The following STK32B variants were observed in gnomAD, a reference collection of about 807,000 sequenced individuals.
STK32B encodes the protein serine/threonine kinase 32B.
In STK32B, 43 loss-of-function variants were observed where a neutral mutation model predicts 52.6. That is an observed-to-expected ratio of 0.82 (90% confidence interval 0.64 to 1.05). STK32B has a LOEUF of 1.05. Ranked by LOEUF, STK32B falls within the 50% of genes least tolerant of loss-of-function variation. The pLI, the probability that STK32B is intolerant of heterozygous loss-of-function variation, is 0.00. For synonymous variants in STK32B, 238 were observed against 204.3 expected (o/e 1.17, Z -1.41); for missense variants, 621 against 534.6 (o/e 1.16, Z -1.59).
At chr4:5,473,305 C>A (rs1406504610) in intron 11 of STK32B, among the ~76,000 whole-genome samples, 1 of 152,164 alleles carries the variant, frequency 6.6e-6, no homozygotes, top group Non-Finnish European at 1.5e-5. Flanking sequence ...TTCAGACGTG[C>A]AGGAAGGATT....
At chr4:5,449,476 C>G (rs536940752) in intron 7 of STK32B, among the ~76,000 whole-genome samples, 2 of 152,210 alleles carry the variant, frequency 1.3e-5, no homozygotes, top group Non-Finnish European at 2.9e-5. Context: ...ACAGCTGTTT[C>G]TCCTCATGAG....
chr4:5,164,196 C>G (rs1247579568), intron 2 of STK32B, among the ~76,000 whole-genome samples: 3 of 152,206 alleles, frequency 2.0e-5, no homozygotes. Flanking sequence ...TTGAATCCAG[C>G]TGTGGGCAGG....
At chr4:5,160,760 G>C (rs2108725415) in intron 2 of STK32B, among the ~76,000 whole-genome samples, 1 of 152,346 alleles carries the variant, frequency 6.6e-6, no homozygotes, top group Non-Finnish European at 1.5e-5. Flanking sequence ...CAACTCAGTA[G>C]GGGGAGTGGA....
At chr4:5,129,439 T>C (rs1715612807) in intron 1 of STK32B, among the ~76,000 whole-genome samples, 1 of 152,222 alleles carries the variant, frequency 6.6e-6, no homozygotes, top group Non-Finnish European at 1.5e-5. Flanking sequence ...TCTTGTTCAT[T>C]GTAGGCGTCT....
Position 5,099,450 on chromosome 4 carries a change from G to GTGCA in STK32B, c.53-40455_53-40454insTGCA, listed in dbSNP as rs60872398. On this transcript the variant is annotated intron_variant, in intron 1 of 11. Transcript: ENST00000282908. ...CAGTCCTCTGTGTGTGTGTGTGTGT[G>GTGCA]CGCGCGCGCGTATGTGATGTGTTCA... Among the ~76,000 whole-genome samples the GTGCA allele has an allele frequency of 7.7e-5, 7 of 91,296 alleles. No homozygotes were observed. In the East Asian group the frequency reaches 8.9e-4, roughly 12 times the overall value. The allele number at this position is 91,296 out of a possible 152,430, so 59.9% of individuals were successfully genotyped here.
intron 1 of STK32B, among the ~76,000 whole-genome samples, chr4:5,055,183 A>G (rs536754352): frequency 3.9e-5 from 6 of 152,064 alleles, no homozygotes; most frequent in African/African-American, 1.4e-4. Context: ...TCAACTTCCC[A>G]GGCTCAAGGG....
At chr4:5,135,824 A>G (rs578061545) in intron 1 of STK32B, among the ~76,000 whole-genome samples, 73 of 152,288 alleles carry the variant, frequency 4.8e-4, no homozygotes, top group African/African-American at 1.6e-3. Flanking sequence ...CTTTCCCAAA[A>G]ATGTCTCCAT....
chr4:5,174,767 A>T (rs1383387431), intron 3 of STK32B, among the ~76,000 whole-genome samples: 1 of 144,126 alleles, frequency 6.9e-6, no homozygotes, highest in East Asian at 2.2e-4. Flanking sequence ...GGTGAATCTG[A>T]CAATTATGTA....
At chr4:5,291,595 A>G (rs553713150) in intron 3 of STK32B, among the ~76,000 whole-genome samples, 1 of 152,124 alleles carries the variant, frequency 6.6e-6, no homozygotes, top group Non-Finnish European at 1.5e-5. Context: ...GTAATTTTTC[A>G]TCAGAGATAG....
chr4:5,480,321 T>A (rs1411517419), intron 11 of STK32B, among the ~76,000 whole-genome samples: 4 of 152,140 alleles, frequency 2.6e-5, no homozygotes, highest in African/African-American at 9.7e-5. Context: ...CCTGAGAACA[T>A]ATATGTGCCC....
rs1737185189 is a variant in STK32B at position 5,399,975 on chromosome 4, A to G, written c.472+1731A>G. On this transcript the variant is annotated intron_variant, in intron 5 of 11. Coordinates refer to ENST00000282908, the MANE Select transcript of STK32B (RefSeq NM_018401.3). The surrounding 1 kb of genome is among the most constrained non-coding windows in gnomAD (Gnocchi z 5.4). ...GCAGGGGTCTGGAAGGCTGGGTTCC[A>G]GGCAGCATCCTCAAGGCTCTGTCCT... 2.0e-5 allele frequency among the ~76,000 whole-genome samples: 3 copies of G among 152,230 alleles called. No homozygotes were observed. Among genetic ancestry groups the G allele is most frequent in the Non-Finnish European group, 4.4e-5 (3 of 68,048 alleles).
chr4:5,127,923 C>T (rs111726896), intron 1 of STK32B, among the ~76,000 whole-genome samples: 21 of 152,288 alleles, frequency 1.4e-4, no homozygotes, highest in African/African-American at 4.6e-4. Context: ...GAGAGTTCCC[C>T]TACACGAGCT....
At chr4:5,038,135 C>T in the STK32B span, among the ~76,000 whole-genome samples, 1 of 152,190 alleles carries the variant, frequency 6.6e-6, no homozygotes, top group Non-Finnish European at 1.5e-5. Flanking sequence ...CATCCCTACC[C>T]AAGCTGGTTC....
chr4:5,175,606 G>A (rs1170005295), intron 3 of STK32B, among the ~76,000 whole-genome samples: 1 of 152,220 alleles, frequency 6.6e-6, no homozygotes, highest in Non-Finnish European at 1.5e-5. Flanking sequence ...AGCAGTGGCT[G>A]CAGAACAGCA....
intron 3 of STK32B, among the ~76,000 whole-genome samples, chr4:5,182,100 T>A (rs996542875): frequency 8.5e-5 from 13 of 152,254 alleles, no homozygotes; most frequent in Admixed American, 3.9e-4. Context: ...AGAAACTACT[T>A]TCTTTGTTCA....
intron 3 of STK32B, among the ~76,000 whole-genome samples, chr4:5,317,343 A>G (rs1462629037): frequency 5.0e-5 from 2 of 39,838 alleles, no homozygotes; most frequent in Non-Finnish European, 7.5e-5. Flanking sequence ...TATATAATAC[A>G]TATATATAAT....
intron 2 of STK32B, among the ~76,000 whole-genome samples, chr4:5,159,642 A>AATATAT (rs796164974): frequency 3.3e-5 from 3 of 92,158 alleles, no homozygotes; most frequent in African/African-American, 5.9e-5. Context: ...TATATATATG[A>AATATAT]ATGTATATGA....
At position 5,396,908 on chromosome 4, in the gene STK32B, C is replaced by G. The variant is rs1034692208; in HGVS notation, c.435-1299C>G. On this transcript the variant is annotated intron_variant, in intron 4 of 11. Transcript: ENST00000282908. The surrounding 1 kb of genome is among the most constrained non-coding windows in gnomAD (Gnocchi z 4.7). ...TCAAGTTCATCCCTCCCATGTGGCT[C>G]CCTACGGGTCTCTGCGGTAATCTCT... Among the ~76,000 whole-genome samples the G allele has an allele frequency of 6.6e-6, 1 of 152,200 alleles. No individual in the cohort carries two copies. Among genetic ancestry groups the G allele is most frequent in the South Asian group, 2.1e-4 (1 of 4,834 alleles).
intron 1 of STK32B, among the ~76,000 whole-genome samples, chr4:5,079,211 T>C (rs1441364350): frequency 6.6e-6 from 1 of 152,228 alleles, no homozygotes; most frequent in Non-Finnish European, 1.5e-5. Context: ...TATTTAACTA[T>C]ATTCCTATTG....
Sources: gnomAD v4.1 joint callset for allele counts (sites outside exome capture counted in the v4.1 genomes callset) on GRCh38, gnomAD v4.1.1 for gene constraint, Gnocchi (gnomAD v3.1) non-coding constraint, MANE v1.5 for transcripts, NCBI Gene and HGNC (gene_info 2026-07-23, HGNC 2026-07-21) for gene names.